Variants in MYCBP2 observed in about 807,000 individuals in gnomAD.
The protein encoded by MYCBP2 is MYC binding protein 2, also known as E3 ubiquitin-protein ligase MYCBP2.
Under a neutral mutation model 525.3 loss-of-function variants are expected in MYCBP2, and 120 were observed. That is an observed-to-expected ratio of 0.23 (90% CI 0.20 to 0.27). MYCBP2 has a LOEUF of 0.27. Ranked by LOEUF, MYCBP2 falls within the 10% of genes least tolerant of loss-of-function variation. The probability of loss-of-function intolerance (pLI) is 1.00; values close to 1 mark genes in which losing one functional copy is unlikely to be tolerated. For synonymous variants in MYCBP2, 1,894 were observed against 1,955.8 expected, an observed-to-expected ratio of 0.97 and a Z score of 0.83; for missense variants, 4,149 against 5,657.1, an observed-to-expected ratio of 0.73 and a Z score of 8.55.
Position 77,181,755 on chromosome 13 carries a change from T to C in MYCBP2, c.4887A>G (p.Ser1629=), listed in dbSNP as rs2060240331. 2.5e-6 allele frequency: 4 copies of C among 1,614,028 alleles called. No individual in the cohort carries two copies. The highest frequency in any genetic ancestry group is 3.4e-6 in the Non-Finnish European group (4 of 1,179,994). ...IVKQVSTEND[S]TLVHRFPLLV... Reference sequence around the variant, plus strand: ...AAAGGGGAAAACGATGAACTAGTGTTGAGTCGTTCTCTGTACTAACTTGTT... The same window carrying C: ...AAAGGGGAAAACGATGAACTAGTGTCGAGTCGTTCTCTGTACTAACTTGTT... Residue 1629 remains serine, a synonymous_variant, in exon 33 of 83, where the codon TCA becomes TCG. Transcript: ENST00000544440.
intron 23 of MYCBP2, among the ~76,000 whole-genome samples, chr13:77,210,176 T>C (rs1200755315): frequency 6.6e-6 from 1 of 151,834 alleles, no homozygotes; most frequent in African/African-American, 2.4e-5. Flanking sequence ...TCATTTTGTA[T>C]ATAAAGCACC....
At chr13:77,055,146 GAA>G (rs2037673858) in intron 80 of MYCBP2, among the ~76,000 whole-genome samples, 1 of 57,398 alleles carries the variant, frequency 1.7e-5, no homozygotes, top group Non-Finnish European at 9.0e-5. Context: ...AAAAAAAAAA[GAA>G]GAAGTAGTTA....
intron 47 of MYCBP2, among the ~76,000 whole-genome samples, chr13:77,147,674 T>C (rs2055824586): frequency 1.3e-5 from 2 of 152,120 alleles, no homozygotes; most frequent in African/African-American, 2.4e-5. Flanking sequence ...TCTTTAGCCA[T>C]ACAAAGGTGA....
In MYCBP2 at chr13:77,045,119, A is replaced by G. The variant is rs924956967; in HGVS notation, c.*259T>C. ...TAAATGTCCAATGCTTCACAGGCCA[A>G]TGACGGTAATGGCCACATGCAAACA... is the stretch of plus-strand genomic sequence containing the variant. On this transcript the variant is annotated 3_prime_UTR_variant, in exon 83 of 83. Transcript: ENST00000544440. The G allele has an allele frequency of 2.3e-6, 1 of 443,544 alleles. No homozygotes were observed. Among genetic ancestry groups the G allele is most frequent in the African/African-American group, 2.0e-5 (1 of 50,150 alleles). 27.5% of individuals were successfully genotyped at this position (443,544 alleles called of 1,614,324 possible).
intron 62 of MYCBP2, among the ~76,000 whole-genome samples, chr13:77,084,529 A>G (rs1346222744): frequency 6.6e-6 from 1 of 152,136 alleles, no homozygotes; most frequent in Non-Finnish European, 1.5e-5. Flanking sequence ...AAGGCTTGGC[A>G]TTCGACTTTG....
At position 77,045,510 on chromosome 13, in the gene MYCBP2, G is replaced by A. The variant is rs772506133; in HGVS notation, c.13922-17C>T. ...CTTTGGGACCTGTATAAATTTGAAGGAGGCAAAGGAAAATAATGTTTTAAG... is the reference window on the plus strand; with the variant it reads ...CTTTGGGACCTGTATAAATTTGAAGAAGGCAAAGGAAAATAATGTTTTAAG... On this transcript the variant is annotated splice_polypyrimidine_tract_variant and intron_variant, in intron 82 of 82. Coordinates refer to ENST00000544440, the MANE Select transcript of MYCBP2 (RefSeq NM_015057.5). 9 of 1,525,430 alleles carry A rather than the reference G, an allele frequency of 5.9e-6. No homozygotes were observed. Among genetic ancestry groups the A allele is most frequent in the Admixed American group, 3.4e-5 (2 of 58,924 alleles). The allele number at this position is 1,525,430 out of a possible 1,614,324, so 94.5% of individuals were successfully genotyped here.
At position 77,090,108 on chromosome 13, in the gene MYCBP2, G is replaced by C. The variant is rs1457697581; in HGVS notation, c.10523C>G (p.Thr3508Ser). 2 of 1,607,652 alleles carry C rather than the reference G, an allele frequency of 1.2e-6. No individual in the cohort carries two copies. The highest frequency in any genetic ancestry group is 1.7e-6 in the Non-Finnish European group (2 of 1,176,948). ...IPRRRVNSGD[T>S]EVGSSLLRHP... is the part of the protein sequence containing the mutation. ...TTCTTTTTTATCCTCATACTTACCA[G>C]TGTCTCCACTGTTAACTCTTCTTCT... Residue 3508 changes from threonine to serine, a missense_variant and splice_region_variant, in exon 60 of 83, where the codon ACT (threonine) becomes AGT (serine). By Grantham distance (58) the Thr-to-Ser change is moderately conservative. Around this residue, in one of 21 missense-constraint regions of MYCBP2, gnomAD observed 509 missense variants for 789.4 expected, o/e 0.64. Coordinates refer to ENST00000544440, the MANE Select transcript of MYCBP2 (RefSeq NM_015057.5).
At chr13:77,131,939 T>C (rs73239495) in intron 52 of MYCBP2, among the ~76,000 whole-genome samples, 3,405 of 152,236 alleles carry the variant, frequency 0.022, 59 homozygotes, top group Middle Eastern at 0.078. Flanking sequence ...CAAATGCTCA[T>C]GCAAATAAAA....
intron 43 of MYCBP2, among the ~76,000 whole-genome samples, chr13:77,164,016 A>C (rs1015776923): frequency 6.6e-6 from 1 of 152,198 alleles, no homozygotes; most frequent in Non-Finnish European, 1.5e-5. Context: ...TTGCTGTAGA[A>C]TATCTTTCAT....
intron 52 of MYCBP2, among the ~76,000 whole-genome samples, chr13:77,131,613 T>C (rs57687748): frequency 0.027 from 4,055 of 152,240 alleles, 196 homozygotes; most frequent in African/African-American, 0.091. Context: ...AATGTTAATT[T>C]TTCCAAAGCC....
At chr13:77,232,004 C>T (rs1448911301) in intron 18 of MYCBP2, among the ~76,000 whole-genome samples, 1 of 152,144 alleles carries the variant, frequency 6.6e-6, no homozygotes, top group Non-Finnish European at 1.5e-5. Context: ...TGGTTAATTG[C>T]ATTAGATTTA....
chr13:77,208,803 A>G (rs1322927677), intron 23 of MYCBP2, among the ~76,000 whole-genome samples: 1 of 152,214 alleles, frequency 6.6e-6, no homozygotes, highest in East Asian at 1.9e-4. Context: ...TTAAAAAATA[A>G]CACAAATTCA....
Position 77,076,741 on chromosome 13 carries a change from A to G in MYCBP2, c.11823+10T>C, listed in dbSNP as rs545010898. 87 of 1,491,228 alleles carry G rather than the reference A, an allele frequency of 5.8e-5. 1 individual carries two copies. In the Middle Eastern group the frequency reaches 6.9e-4, roughly 12 times the overall value. The allele number at this position is 1,491,228 out of a possible 1,614,324, so 92.4% of individuals were successfully genotyped here. ...AGGGAAATAAATATCTTTAGAATAC[A>G]AATAAATACATTGTATACTTTTTCT... On this transcript the variant is annotated intron_variant, in intron 68 of 82. Coordinates refer to ENST00000544440, the MANE Select transcript of MYCBP2 (RefSeq NM_015057.5).
chr13:77,064,835 T>A, intron 72 of MYCBP2, 101 bp from the exon 73 acceptor site: 1 of 1,154,522 alleles, frequency 8.7e-7, no homozygotes. Flanking sequence ...GAAATATTTG[T>A]TTTTAGTGAG....
At chr13:77,285,081 G>A (rs564313949) in intron 3 of MYCBP2, among the ~76,000 whole-genome samples, 171 of 152,248 alleles carry the variant, frequency 1.1e-3, no homozygotes, top group African/African-American at 4.0e-3. Flanking sequence ...TAATTATGCT[G>A]CAAAAGGTTA....
At chr13:77,149,201 T>A (rs1038719118) in intron 47 of MYCBP2, among the ~76,000 whole-genome samples, 1 of 152,154 alleles carries the variant, frequency 6.6e-6, no homozygotes, top group East Asian at 1.9e-4. Context: ...GTGTTGCTTC[T>A]TTGGCTAGTA....
chr13:77,144,527 A>T lies in MYCBP2; in HGVS notation c.7221T>A (p.Asn2407Lys), dbSNP rs372014600. The change falls in exon 49 of 83, where the codon AAT (asparagine) becomes AAA (lysine). Residue 2407 changes from asparagine to lysine, a missense_variant. This residue lies in a region of MYCBP2 where 692 missense variants were observed against 852.7 expected (regional missense o/e 0.81). Transcript: ENST00000544440. ...TCCAATTTGCACAATAAGTCCCATC[A>T]TTATTGACACGGATCAGCATATTCT... ...PSENMLIRVN[N>K]DGTYCANWTP... 5 of 1,613,368 alleles carry T rather than the reference A, an allele frequency of 3.1e-6. No individual in the cohort carries two copies. In the African/African-American group the frequency reaches 6.7e-5, roughly 22 times the overall value.
chr13:77,296,839 T>A (rs2078241373), intron 1 of MYCBP2, among the ~76,000 whole-genome samples, 165 bp from the exon 2 acceptor site: 1 of 152,146 alleles, frequency 6.6e-6, no homozygotes, highest in African/African-American at 2.4e-5. Context: ...TACTAACATA[T>A]AAAGTAGCTA....
chr13:77,131,506 AC>A (rs1566645101), intron 52 of MYCBP2, among the ~76,000 whole-genome samples: 24 of 86,240 alleles, frequency 2.8e-4, no homozygotes, highest in South Asian at 1.2e-3. Flanking sequence ...ACACACACAC[AC>A]ACACAAACAA....
Sources: allele counts gnomAD v4.1 joint callset (sites outside exome capture counted in the v4.1 genomes callset), GRCh38; gene constraint gnomAD v4.1.1; regional missense constraint gnomAD v4.1.1; transcripts MANE v1.5; gene names NCBI Gene and HGNC (gene_info 2026-07-23, HGNC 2026-07-21).